LY96: variants seen among roughly 807,000 people sequenced by gnomAD.
LY96 encodes the protein lymphocyte antigen 96.
LY96 carries 18 observed loss-of-function variants against 18.9 expected under a neutral mutation model. The observed-to-expected ratio is 0.95, with a 90% confidence interval of 0.66 to 1.41. The LOEUF is 1.41. Ranked by LOEUF, LY96 falls within the 40% of genes most tolerant of loss-of-function variation. LY96 has a pLI of 0.00. For synonymous variants in LY96, 66 were observed against 62.6 expected (o/e 1.06, Z -0.26); for missense variants, 175 against 182.4 (o/e 0.96, Z 0.23).
chr8:74,070,737 T>A, the LY96 span, among the ~76,000 whole-genome samples: 10,140 of 151,314 alleles, frequency 0.067, 499 homozygotes, highest in African/African-American at 0.15. Context: ...CTTGCTTTTT[T>A]AAAAAAAAAT....
At chr8:74,061,046 G>A in the LY96 span, among the ~76,000 whole-genome samples, 10 of 152,196 alleles carry the variant, frequency 6.6e-5, no homozygotes, top group Non-Finnish European at 1.5e-4. Flanking sequence ...TTTTTCTACT[G>A]CTTATAGGAT....
chr8:73,996,356 CCTTCCTTCCTTCA>C (rs1816128602), intron 1 of LY96, among the ~76,000 whole-genome samples: 1 of 126,592 alleles, frequency 7.9e-6, no homozygotes, highest in African/African-American at 3.0e-5. Flanking sequence ...TTCCTTCCTT[CCTTCCTTCCTTCA>C]TTCCTTTCTT....
chr8:74,061,338 A>G, the LY96 span, among the ~76,000 whole-genome samples: 24 of 152,362 alleles, frequency 1.6e-4, no homozygotes, highest in Non-Finnish European at 3.1e-4. Flanking sequence ...TCCCCAGCAC[A>G]CTGGAACAAA....
In LY96 at chr8:74,026,830, A is replaced by C. The variant is rs1372809531; in HGVS notation, c.373A>C (p.Lys125Gln). 1 of 1,507,896 alleles carries C rather than the reference A, an allele frequency of 6.6e-7. No individual in the cohort carries two copies. The highest frequency in any genetic ancestry group is 1.7e-5 in the Admixed American group (1 of 59,734). The allele number at this position is 1,507,896 out of a possible 1,614,324, so 93.4% of individuals were successfully genotyped here. Reference sequence around the variant, plus strand: ...AATATCATTCTCCTTCAAGGGAATAAAATTTTCTAAGGTATTGTTCAAGAT... The same window carrying C: ...AATATCATTCTCCTTCAAGGGAATACAATTTTCTAAGGTATTGTTCAAGAT... ...TTISFSFKGI[K>Q]FSKGKYKCVV... Residue 125 changes from lysine (K) to glutamine (Q), a missense_variant, in exon 4 of 5, where the codon AAA (lysine) becomes CAA (glutamine). Physicochemically the swap from Lys to Gln is moderately conservative, Grantham distance 53. Transcript: ENST00000284818.
intron 4 of LY96, among the ~76,000 whole-genome samples, chr8:74,028,326 T>C (rs1272955210): frequency 2.0e-5 from 3 of 152,188 alleles, no homozygotes; most frequent in Non-Finnish European, 2.9e-5. Context: ...CATTTTTTTT[T>C]CCCTCTAACA....
At chr8:74,084,161 C>G in the LY96 span, among the ~76,000 whole-genome samples, 3 of 152,056 alleles carry the variant, frequency 2.0e-5, no homozygotes, top group Non-Finnish European at 2.9e-5. Flanking sequence ...GTATTGCTAT[C>G]AAAATGATAG....
chr8:74,071,133 C>G, the LY96 span, among the ~76,000 whole-genome samples: 1 of 152,116 alleles, frequency 6.6e-6, no homozygotes, highest in Non-Finnish European at 1.5e-5. Context: ...GGCAGCTGGA[C>G]TCCAGAACGT....
At position 74,004,842 on chromosome 8, in the gene LY96, A is replaced by G; in HGVS notation, c.159A>G (p.Glu53=). The G allele has an allele frequency of 6.3e-7, 1 of 1,591,270 alleles. No homozygotes were observed. The highest frequency in any genetic ancestry group is 8.6e-7 in the Non-Finnish European group (1 of 1,161,512). ...PISINVNPCI[E]LKRSKGLLHI... is the part of the protein sequence containing the mutation. ...CAATTAATGTTAACCCCTGTATAGA[A>G]TTGAAAAGATCCAAAGGATTATTGC... The change falls in exon 2 of 5, where the codon GAA becomes GAG. Residue 53 remains glutamate (E), a synonymous_variant. Coordinates refer to ENST00000284818, the MANE Select transcript of LY96 (RefSeq NM_015364.5).
chr8:74,045,600 G>A, the LY96 span, among the ~76,000 whole-genome samples: 1 of 152,130 alleles, frequency 6.6e-6, no homozygotes, highest in Non-Finnish European at 1.5e-5. Context: ...GTTTAATAAA[G>A]GGAATGTTTA....
the LY96 span, among the ~76,000 whole-genome samples, chr8:74,047,341 C>T: frequency 7.2e-5 from 11 of 152,212 alleles, no homozygotes; most frequent in Admixed American, 4.6e-4. Flanking sequence ...CTTCCTTGCA[C>T]AGCCAAGAAG....
the LY96 span, among the ~76,000 whole-genome samples, chr8:74,071,670 G>A: frequency 6.6e-6 from 1 of 152,162 alleles, no homozygotes; most frequent in Admixed American, 6.5e-5. Flanking sequence ...CTAGAGGCTT[G>A]CCATCCTATT....
In LY96 at chr8:74,009,985, A is replaced by AT. The variant is rs748813818; in HGVS notation, c.203-10dup. ...ATCTACTATTTGAGGGCCTAATGGG[A>AT]TTTTTTCTTTTAAAGGGAGAGATTT... On this transcript the variant is annotated splice_polypyrimidine_tract_variant and intron_variant, in intron 2 of 4. Transcript: ENST00000284818. 26 of 1,575,252 alleles carry AT rather than the reference A, an allele frequency of 1.7e-5. No individual in the cohort carries two copies. Among genetic ancestry groups the AT allele is most frequent in the African/African-American group, 6.7e-5 (5 of 74,114 alleles).
At chr8:74,091,251 C>A in the LY96 span, among the ~76,000 whole-genome samples, 1 of 152,210 alleles carries the variant, frequency 6.6e-6, no homozygotes, top group Non-Finnish European at 1.5e-5. Flanking sequence ...GCTGGGCCAT[C>A]TTTCTCCACC....
At chr8:74,032,124 C>CA (rs1309827446), downstream of LY96, among the ~76,000 whole-genome samples, 7 of 151,942 alleles carry the variant, frequency 4.6e-5, no homozygotes, top group African/African-American at 1.5e-4. Flanking sequence ...GATCCTGTCT[C>CA]AAAAAACAAA....
the LY96 span, among the ~76,000 whole-genome samples, chr8:74,088,822 G>A: frequency 6.6e-6 from 1 of 152,222 alleles, no homozygotes; most frequent in Non-Finnish European, 1.5e-5. Flanking sequence ...CTGGCCTCAA[G>A]TGATCAGCCT....
At chr8:74,090,271 G>A in the LY96 span, among the ~76,000 whole-genome samples, 4 of 152,096 alleles carry the variant, frequency 2.6e-5, no homozygotes, top group African/African-American at 7.2e-5. Context: ...AGGTGGTAAG[G>A]GGTCATGTTG....
At chr8:74,061,561 C>T in the LY96 span, among the ~76,000 whole-genome samples, 1 of 152,168 alleles carries the variant, frequency 6.6e-6, no homozygotes, top group African/African-American at 2.4e-5. Flanking sequence ...TGTTGCACAG[C>T]AGGGTGACTG....
At chr8:74,007,062 C>A (rs114898192) in intron 2 of LY96, among the ~76,000 whole-genome samples, 2,223 of 152,328 alleles carry the variant, frequency 0.015, 32 homozygotes, top group African/African-American at 0.033. Flanking sequence ...GGATAATCCT[C>A]AGACCAGAAT....
intron 4 of LY96, among the ~76,000 whole-genome samples, chr8:74,028,679 T>C (rs972118147): frequency 6.6e-6 from 1 of 152,224 alleles, no homozygotes; most frequent in Admixed American, 6.5e-5. Flanking sequence ...TAAAATTTAA[T>C]AATGCATATT....
Sources: gnomAD v4.1 joint callset for allele counts (sites outside exome capture counted in the v4.1 genomes callset) on GRCh38, gnomAD v4.1.1 for gene constraint, MANE v1.5 for transcripts, NCBI Gene and HGNC (gene_info 2026-07-23, HGNC 2026-07-21) for gene names.